Variants in NHSL2 observed in about 807,000 individuals in gnomAD.
NHSL2 encodes NHS like 2.
NHSL2 carries 27 observed loss-of-function variants against 53.4 expected under a neutral mutation model. The observed-to-expected ratio is 0.51, with a 90% CI of 0.37 to 0.70. The LOEUF is 0.70. Among genes scored for constraint, NHSL2 ranks in the 30% least tolerant of loss-of-function variants. The pLI is 0.00. For missense variants in NHSL2, 892 were observed against 980.1 expected (o/e 0.91, Z 1.20); for synonymous variants, 408 against 404.1 (o/e 1.01, Z -0.12).
chrX:71,964,026 T>TATATAC (rs2041886841), intron 1 of NHSL2, among the ~76,000 whole-genome samples: 1 of 3,647 alleles, frequency 2.7e-4, no homozygotes, highest in Non-Finnish European at 2.4e-3. Flanking sequence ...TATATATATG[T>TATATAC]GTATATATAT....
At chrX:71,960,405 CT>C (rs2041862480) in intron 1 of NHSL2, among the ~76,000 whole-genome samples, 1 of 111,969 alleles carries the variant, frequency 8.9e-6, no homozygotes, top group South Asian at 3.7e-4. Context: ...TCTTTTGTTG[CT>C]TATGCTTTTT....
chrX:72,148,154 C>A lies in NHSL2; in HGVS notation c.*4580C>A, dbSNP rs1413618338. Reference sequence around the variant, plus strand: ...CTAGATCATTCATATTGTACATTGACATTTTTACATAAATGGAATTAATAC... The same window carrying A: ...CTAGATCATTCATATTGTACATTGAAATTTTTACATAAATGGAATTAATAC... On this transcript the variant is annotated 3_prime_UTR_variant, in exon 8 of 8. Coordinates refer to ENST00000633930, the MANE Select transcript of NHSL2 (RefSeq NM_001013627.3). 2.7e-5 allele frequency: 3 copies of A among 111,786 alleles called. No individual in the cohort carries two copies. The highest frequency in any genetic ancestry group is 5.6e-5 in the Non-Finnish European group (3 of 53,206). The allele number at this position is 111,786 out of a possible 1,213,427, so 9.2% of individuals were successfully genotyped here.
intron 1 of NHSL2, among the ~76,000 whole-genome samples, chrX:71,994,830 G>T (rs1487688514): frequency 9.0e-6 from 1 of 111,714 alleles, no homozygotes; most frequent in Admixed American, 9.4e-5. Flanking sequence ...TGTCCCCAGT[G>T]CCTGGACCTG....
At chrX:71,985,723 T>TCAGTCCATTCAGTCAACTCCTG (rs1415223238) in intron 1 of NHSL2, among the ~76,000 whole-genome samples, 2 of 112,644 alleles carry the variant, frequency 1.8e-5, no homozygotes, top group African/African-American at 6.4e-5. Flanking sequence ...TTCTATTAGG[T>TCAGTCCATTCAGTCAACTCCTG]CAGTCCATTC....
At chrX:72,094,170 A>C (rs960996149) in intron 1 of NHSL2, among the ~76,000 whole-genome samples, 11 of 111,763 alleles carry the variant, frequency 9.8e-5, no homozygotes, top group East Asian at 5.6e-4. Context: ...ACCCTCAAAA[A>C]GGCTTAAGAA....
chrX:71,981,943 G>A (rs1388260161), intron 1 of NHSL2, among the ~76,000 whole-genome samples: 1 of 111,756 alleles, frequency 8.9e-6, no homozygotes, highest in East Asian at 2.8e-4. Flanking sequence ...TATGACCCAG[G>A]TTACCGTATG....
At chrX:72,032,743 C>T (rs1197472843) in intron 1 of NHSL2, among the ~76,000 whole-genome samples, 2 of 110,943 alleles carry the variant, frequency 1.8e-5, no homozygotes, top group Admixed American at 1.9e-4. Context: ...CCTGTAGTCC[C>T]AGCTCCTCGG....
chrX:72,143,180 G>T lies in NHSL2; in HGVS notation c.3357-73G>T, dbSNP rs1308312314. The T allele has an allele frequency of 1.4e-5, 10 of 733,277 alleles. No individual in the cohort carries two copies. The East Asian group carries it at 2.8e-4, about 21-fold the overall frequency. The allele number at this position is 733,277 out of a possible 1,213,427, so 60.4% of individuals were successfully genotyped here. On this transcript the variant is annotated intron_variant, in intron 7 of 7. Transcript: ENST00000633930. ...GGCTGCCGCCTGGATTGTGTCACAG[G>T]CATGGGGGTCTGTGAAGCACTGGTA...
intron 1 of NHSL2, among the ~76,000 whole-genome samples, chrX:72,082,014 C>T (rs2041796855): frequency 8.9e-6 from 1 of 112,131 alleles, no homozygotes; most frequent in South Asian, 3.7e-4. Context: ...CAGGCATCGG[C>T]CCTAGAGCAT....
chrX:72,007,253 T>G (rs2042098234), intron 1 of NHSL2, among the ~76,000 whole-genome samples: 1 of 112,385 alleles, frequency 8.9e-6, no homozygotes, highest in South Asian at 3.7e-4. Context: ...GATTCAGGTA[T>G]GGTAGAGTGG....
intron 4 of NHSL2, 90 bp from the exon 5 acceptor site, chrX:72,137,004 G>A (rs1244097527): frequency 5.1e-6 from 4 of 788,987 alleles, no homozygotes; most frequent in East Asian, 3.7e-5. Context: ...TGCTTATCAC[G>A]ACTGCCATCA....
Position 72,015,804 on chromosome X carries a change from C to T in NHSL2, c.280+104437C>T, listed in dbSNP as rs747167245. ...TAACTCTCCTTTTGAATTACCTGTC[C>T]ATATACTTTGCCCATATTTATTTTG... On this transcript the variant is annotated intron_variant, in intron 1 of 7. Coordinates refer to ENST00000633930, the MANE Select transcript of NHSL2 (RefSeq NM_001013627.3). 3.3e-4 allele frequency among the ~76,000 whole-genome samples: 37 copies of T among 112,332 alleles called. No individual in the cohort carries two copies. The South Asian group carries it at 0.013, about 39-fold the overall frequency.
At chrX:71,964,501 G>T in intron 1 of NHSL2, among the ~76,000 whole-genome samples, 1 of 111,158 alleles carries the variant, frequency 9.0e-6, no homozygotes, top group Non-Finnish European at 1.9e-5. Flanking sequence ...AACACAGCCA[G>T]CTGTTAAACC....
At chrX:71,997,555 C>T (rs2147881750) in intron 1 of NHSL2, among the ~76,000 whole-genome samples, 1 of 112,167 alleles carries the variant, frequency 8.9e-6, no homozygotes, top group Non-Finnish European at 1.9e-5. Context: ...AAGCACTTTC[C>T]CATAGCTCTC....
intron 1 of NHSL2, among the ~76,000 whole-genome samples, chrX:72,003,815 A>T (rs990232991): frequency 3.6e-5 from 4 of 111,430 alleles, no homozygotes; most frequent in Admixed American, 2.9e-4. Flanking sequence ...AGGAAAGATT[A>T]AAAAAATCTT....
intron 1 of NHSL2, among the ~76,000 whole-genome samples, chrX:71,998,498 C>A (rs1252884695): frequency 9.0e-6 from 1 of 111,423 alleles, no homozygotes; most frequent in East Asian, 2.8e-4. Flanking sequence ...CCTGTGACAC[C>A]ATATCATCAC....
At chrX:72,012,677 G>A (rs1478179469) in intron 1 of NHSL2, among the ~76,000 whole-genome samples, 1 of 112,431 alleles carries the variant, frequency 8.9e-6, no homozygotes, top group Non-Finnish European at 1.9e-5. Context: ...ACATCCCTAG[G>A]CTCCGGGAAT....
intron 1 of NHSL2, among the ~76,000 whole-genome samples, chrX:71,942,968 C>CTGTGTG (rs1432312977): frequency 5.1e-5 from 1 of 19,584 alleles, no homozygotes; most frequent in Non-Finnish European, 1.1e-4. Flanking sequence ...CTCTCTCTCT[C>CTGTGTG]TCTCTGTGTG....
intron 1 of NHSL2, among the ~76,000 whole-genome samples, chrX:72,080,571 CGTGT>C (rs10580313): frequency 2.8e-3 from 273 of 96,883 alleles, no homozygotes; most frequent in South Asian, 8.5e-3. Context: ...GAATTCTGCA[CGTGT>C]GTGTGTGTGT....
Sources: gnomAD v4.1 joint callset for allele counts (sites outside exome capture counted in the v4.1 genomes callset) on GRCh38, gnomAD v4.1.1 for gene constraint, MANE v1.5 for transcripts, NCBI Gene and HGNC (gene_info 2026-07-23, HGNC 2026-07-21) for gene names.